The following ANK3 variants were observed in gnomAD, a reference collection of about 807,000 sequenced individuals.
ANK3 encodes ankyrin-3.
Under a neutral mutation model 370.9 loss-of-function variants are expected in ANK3, and 57 were observed. The ratio of observed to expected loss-of-function variants is 0.15; its 90% CI spans 0.12 to 0.19. ANK3 has a LOEUF of 0.19. Ranked by LOEUF, ANK3 falls within the 10% of genes least tolerant of loss-of-function variation. ANK3 has a pLI of 1.00. For missense variants in ANK3, 4,439 were observed against 5,302.1 expected, an observed-to-expected ratio of 0.84 and a Z score of 5.06; for synonymous variants, 1,929 against 1,946.3, an observed-to-expected ratio of 0.99 and a Z score of 0.23.
intron 9 of ANK3, among the ~76,000 whole-genome samples, chr10:60,212,119 A>AT (rs1175620019): frequency 6.6e-6 from 1 of 152,134 alleles, no homozygotes; most frequent in Non-Finnish European, 1.5e-5. Context: ...AATTAAGAAG[A>AT]TTTCTCAGAA....
intron 2 of ANK3, among the ~76,000 whole-genome samples, chr10:60,499,607 C>A (rs2075746162): frequency 1.3e-5 from 2 of 152,194 alleles, no homozygotes; most frequent in South Asian, 4.1e-4. Context: ...ACTTAACACA[C>A]AATGTTTCGC....
chr10:60,498,023 C>A (rs2133135745), intron 2 of ANK3, among the ~76,000 whole-genome samples: 1 of 152,286 alleles, frequency 6.6e-6, no homozygotes, highest in South Asian at 2.1e-4. Flanking sequence ...GGACTCCTGA[C>A]AATCCACCCA....
intron 1 of ANK3, among the ~76,000 whole-genome samples, chr10:60,641,779 A>G (rs1023093971): frequency 1.9e-4 from 29 of 152,262 alleles, no homozygotes; most frequent in African/African-American, 7.0e-4. Context: ...AAATTGACAA[A>G]TGGGATCTAA....
At chr10:60,339,841 C>T (rs189994849) in intron 1 of ANK3, among the ~76,000 whole-genome samples, 20 of 152,272 alleles carry the variant, frequency 1.3e-4, no homozygotes, top group African/African-American at 1.7e-4. Context: ...ATTTACAACG[C>T]GCTTGCTGTT....
intron 23 of ANK3, among the ~76,000 whole-genome samples, chr10:60,147,141 G>A (rs1431907623): frequency 6.6e-6 from 1 of 152,186 alleles, no homozygotes; most frequent in East Asian, 1.9e-4. Flanking sequence ...TTTGGAGGAT[G>A]GAATTGTGCC....
At chr10:60,422,100 C>T (rs964853652) in intron 2 of ANK3, among the ~76,000 whole-genome samples, 5 of 152,012 alleles carry the variant, frequency 3.3e-5, no homozygotes, top group Admixed American at 1.3e-4. Context: ...TTGCAGACTC[C>T]GATTCTTTGC....
chr10:60,144,794 T>G (rs2094731931), intron 23 of ANK3, among the ~76,000 whole-genome samples: 1 of 152,180 alleles, frequency 6.6e-6, no homozygotes, highest in Non-Finnish European at 1.5e-5. Flanking sequence ...CCTTTTTAGA[T>G]TCCAAGTCAA....
At chr10:60,645,355 A>C (rs2078696384) in intron 1 of ANK3, among the ~76,000 whole-genome samples, 1 of 152,204 alleles carries the variant, frequency 6.6e-6, no homozygotes, top group Non-Finnish European at 1.5e-5. Context: ...AATTTTTCTC[A>C]GAATGATATT....
At chr10:60,138,668 T>TTCCCAAAAC in intron 24 of ANK3, 1 of 477,742 alleles carries the variant, frequency 2.1e-6, no homozygotes, top group Non-Finnish European at 3.7e-6. Flanking sequence ...GTGACTCAGA[T>TTCCCAAAAC]TGGTTCTCCC....
intron 1 of ANK3, among the ~76,000 whole-genome samples, chr10:60,648,504 C>T (rs550767601): frequency 1.0e-4 from 15 of 146,456 alleles, no homozygotes; most frequent in Non-Finnish European, 1.8e-4. Context: ...GGCATAGTGG[C>T]TCACACCTGT....
chr10:60,443,788 A>C (rs942034618), intron 2 of ANK3, among the ~76,000 whole-genome samples: 1 of 151,952 alleles, frequency 6.6e-6, no homozygotes, highest in Non-Finnish European at 1.5e-5. Flanking sequence ...GCTTCTTCCT[A>C]CTCTTCAAAG....
chr10:60,473,118 A>G (rs2065257900), intron 2 of ANK3, among the ~76,000 whole-genome samples: 1 of 152,230 alleles, frequency 6.6e-6, no homozygotes, highest in African/African-American at 2.4e-5. Context: ...AAAAAAAGAT[A>G]CAAACCTGAA....
chr10:60,329,834 C>G (rs1424161311), intron 1 of ANK3, among the ~76,000 whole-genome samples: 1 of 152,130 alleles, frequency 6.6e-6, no homozygotes, highest in African/African-American at 2.4e-5. Flanking sequence ...CCAAGACAAT[C>G]CTAAGCAAAA....
chr10:60,065,868 A>G (rs570795763), intron 38 of ANK3, among the ~76,000 whole-genome samples: 1 of 152,330 alleles, frequency 6.6e-6, no homozygotes, highest in East Asian at 1.9e-4. Flanking sequence ...AACCACCATC[A>G]TAAGGTACAT....
chr10:60,732,296 A>G (rs1403173715), intron 1 of ANK3, among the ~76,000 whole-genome samples: 2 of 152,210 alleles, frequency 1.3e-5, no homozygotes, highest in Admixed American at 6.5e-5. Flanking sequence ...GTTTCTCAGG[A>G]ACCTTTCCCT....
chr10:60,063,283 C>A, intron 39 of ANK3, 29 bp from the exon 40 acceptor site: 1 of 1,588,192 alleles, frequency 6.3e-7, no homozygotes, highest in South Asian at 1.2e-5. Context: ...GGTTGAAAAC[C>A]CAATTAAATT....
At chr10:60,693,277 G>A (rs2079385368) in intron 1 of ANK3, among the ~76,000 whole-genome samples, 1 of 152,096 alleles carries the variant, frequency 6.6e-6, no homozygotes, top group Non-Finnish European at 1.5e-5. Context: ...CTCGCTGATT[G>A]CTAGCAGTCT....
At chr10:60,733,255 G>T (rs1466107104) in intron 1 of ANK3, 3 of 1,241,140 alleles carry the variant, frequency 2.4e-6, no homozygotes, top group Non-Finnish European at 3.0e-6. Flanking sequence ...GGGCGGCGCG[G>T]CGCTCACCTG....
In ANK3 at chr10:60,073,364, A is replaced by C. The variant is rs769822914; in HGVS notation, c.7517T>G (p.Ile2506Arg). The change falls in exon 37 of 44, where the codon ATA (isoleucine) becomes AGA (arginine). Residue 2506 changes from isoleucine (I) to arginine (R), a missense_variant. Ile to Arg is a moderately conservative substitution (Grantham distance 97). Coordinates refer to ENST00000280772, the MANE Select transcript of ANK3 (RefSeq NM_020987.5). ...AATTTCTTTTTTGGGGGCAGTGGCT[A>C]TTTTTTCTCTGGACCGCTTATCAGA... ...QGSDKRSREK[I>R]ATAPKKEILS... 1 of 1,613,592 alleles carries C rather than the reference A, an allele frequency of 6.2e-7. No homozygotes were observed. The highest frequency in any genetic ancestry group is 8.5e-7 in the Non-Finnish European group (1 of 1,179,934).
Sources: gnomAD v4.1 joint callset for allele counts (sites outside exome capture counted in the v4.1 genomes callset) on GRCh38, gnomAD v4.1.1 for gene constraint, MANE v1.5 for transcripts, NCBI Gene and HGNC (gene_info 2026-07-23, HGNC 2026-07-21) for gene names.